VPS13B: variants seen among roughly 807,000 people sequenced by gnomAD.
VPS13B encodes vacuolar protein sorting 13 homolog B, also known as intermembrane lipid transfer protein VPS13B.
VPS13B carries 285 observed loss-of-function variants against 426.4 expected under a neutral mutation model. That is an observed-to-expected ratio of 0.67 (90% CI 0.61 to 0.74). The LOEUF (loss-of-function observed/expected upper bound fraction) is 0.74, where lower values mean the gene tolerates loss of function less well. Among genes scored for constraint, VPS13B ranks in the 30% least tolerant of loss-of-function variants. The probability of loss-of-function intolerance (pLI) is 0.00; values close to 1 mark genes in which losing one functional copy is unlikely to be tolerated. For missense variants in VPS13B, 4,537 were observed against 4,782.6 expected (o/e 0.95, Z 1.51); for synonymous variants, 1,676 against 1,676.4 (o/e 1.00, Z 0.01).
intron 17 of VPS13B, among the ~76,000 whole-genome samples, chr8:99,232,155 G>A (rs1270984604): frequency 6.6e-6 from 1 of 152,032 alleles, no homozygotes; most frequent in African/African-American, 2.4e-5. Context: ...GAGATGGAGG[G>A]ATGAGGGAAT....
intron 35 of VPS13B, chr8:99,696,549 A>G: frequency 2.0e-6 from 1 of 497,134 alleles, no homozygotes; most frequent in Non-Finnish European, 3.8e-6. Flanking sequence ...CGTGACCATG[A>G]AGCTCTTCCC....
chr8:99,620,207 A>G (rs970500437), intron 33 of VPS13B, among the ~76,000 whole-genome samples: 3 of 152,188 alleles, frequency 2.0e-5, no homozygotes, highest in Non-Finnish European at 4.4e-5. Flanking sequence ...TAGTGTTGCA[A>G]TAAAAACCAC....
chr8:99,015,018 G>T (rs1273299658), intron 2 of VPS13B, among the ~76,000 whole-genome samples: 1 of 151,936 alleles, frequency 6.6e-6, no homozygotes, highest in Non-Finnish European at 1.5e-5. Flanking sequence ...GACAGTGATG[G>T]TTATTTATAA....
intron 30 of VPS13B, among the ~76,000 whole-genome samples, chr8:99,548,110 G>A (rs1824087688): frequency 6.6e-6 from 1 of 152,202 alleles, no homozygotes; most frequent in Non-Finnish European, 1.5e-5. Flanking sequence ...CATAGGACCA[G>A]CTATAGTCCT....
At chr8:99,548,547 T>G (rs1315206834) in intron 30 of VPS13B, among the ~76,000 whole-genome samples, 1 of 151,986 alleles carries the variant, frequency 6.6e-6, no homozygotes, top group Non-Finnish European at 1.5e-5. Flanking sequence ...AAAATAAAAA[T>G]TTTGAAAAGC....
At chr8:99,203,514 A>T (rs1814484995) in intron 17 of VPS13B, among the ~76,000 whole-genome samples, 1 of 152,184 alleles carries the variant, frequency 6.6e-6, no homozygotes, top group African/African-American at 2.4e-5. Flanking sequence ...TCTGGCCAGG[A>T]TAATCAGGCA....
intron 35 of VPS13B, among the ~76,000 whole-genome samples, chr8:99,693,585 TATC>T (rs1352212383): frequency 1.6e-5 from 1 of 64,314 alleles, no homozygotes; most frequent in Admixed American, 1.8e-4. Flanking sequence ...CCACAGCCAA[TATC>T]ATACTGAATG....
intron 28 of VPS13B, among the ~76,000 whole-genome samples, chr8:99,509,442 A>C (rs1821670443): frequency 6.6e-6 from 1 of 152,098 alleles, no homozygotes; most frequent in African/African-American, 2.4e-5. Flanking sequence ...ATACAAAAAT[A>C]ATTTATTTTC....
At position 99,412,483 on chromosome 8, in the gene VPS13B, G is replaced by A. The variant is rs190596192; in HGVS notation, c.3083-19054G>A. ...AGGAGGTTTTTGGCTAAGCTGGTGGGGTTTTCTAAATATACAATCATGTCA... is the reference window on the plus strand; with the variant it reads ...AGGAGGTTTTTGGCTAAGCTGGTGGAGTTTTCTAAATATACAATCATGTCA... On this transcript the variant is annotated intron_variant, in intron 21 of 61. Coordinates refer to ENST00000357162, the MANE Select transcript of VPS13B (RefSeq NM_152564.5). Among the ~76,000 whole-genome samples the A allele has an allele frequency of 2.6e-5, 4 of 152,190 alleles. No homozygotes were observed. The East Asian group carries it at 7.7e-4, about 29-fold the overall frequency.
intron 19 of VPS13B, among the ~76,000 whole-genome samples, chr8:99,313,714 A>C (rs866514130): frequency 1.4e-4 from 21 of 152,172 alleles, no homozygotes; most frequent in African/African-American, 4.8e-4. Flanking sequence ...GGGATATTTA[A>C]GTCTGCAGAG....
At chr8:99,112,164 T>C (rs1210626123) in intron 6 of VPS13B, among the ~76,000 whole-genome samples, 1 of 152,222 alleles carries the variant, frequency 6.6e-6, no homozygotes, top group Non-Finnish European at 1.5e-5. Context: ...CTGAACATTG[T>C]TTGTCTGCCT....
chr8:99,373,399 T>C (rs1813299074), intron 19 of VPS13B, among the ~76,000 whole-genome samples: 1 of 152,134 alleles, frequency 6.6e-6, no homozygotes, highest in African/African-American at 2.4e-5. Context: ...CTTTATTATT[T>C]TAGTAGTGTA....
intron 17 of VPS13B, among the ~76,000 whole-genome samples, chr8:99,251,417 C>T (rs1331448285): frequency 6.6e-6 from 1 of 151,722 alleles, no homozygotes; most frequent in Non-Finnish European, 1.5e-5. Context: ...TCAGTTGATA[C>T]TGTCATGTGG....
intron 35 of VPS13B, chr8:99,697,405 C>T: frequency 3.1e-6 from 2 of 639,468 alleles, no homozygotes; most frequent in South Asian, 1.9e-5. Context: ...CTGAAGGACA[C>T]TGCCCCCTGC....
At chr8:99,387,738 T>C (rs1344680005) in intron 20 of VPS13B, among the ~76,000 whole-genome samples, 1 of 152,144 alleles carries the variant, frequency 6.6e-6, no homozygotes, top group Non-Finnish European at 1.5e-5. Flanking sequence ...ACTCATCCTT[T>C]TAAAATCTGT....
At chr8:99,266,764 C>T (rs552207759) in intron 17 of VPS13B, among the ~76,000 whole-genome samples, 11 of 152,222 alleles carry the variant, frequency 7.2e-5, no homozygotes, top group African/African-American at 2.6e-4. Flanking sequence ...AGTTTTTCCC[C>T]CTTTGCTTAG....
At chr8:99,675,100 G>T (rs576419288) in intron 35 of VPS13B, among the ~76,000 whole-genome samples, 1 of 151,778 alleles carries the variant, frequency 6.6e-6, no homozygotes, top group East Asian at 1.9e-4. Flanking sequence ...AAACTCCTTA[G>T]CATTTATTGT....
chr8:99,374,941 C>T (rs1165342712), intron 19 of VPS13B, among the ~76,000 whole-genome samples: 1 of 152,164 alleles, frequency 6.6e-6, no homozygotes, highest in Non-Finnish European at 1.5e-5. Context: ...ACACAGATTG[C>T]CCTTCCTGGT....
intron 19 of VPS13B, among the ~76,000 whole-genome samples, chr8:99,287,284 A>C (rs1230086980): frequency 7.8e-6 from 1 of 127,786 alleles, no homozygotes; most frequent in Non-Finnish European, 1.7e-5. Context: ...CTATCTATCT[A>C]TCTCTCCCTC....
Sources: gnomAD v4.1 joint callset for allele counts (sites outside exome capture counted in the v4.1 genomes callset) on GRCh38, gnomAD v4.1.1 for gene constraint, MANE v1.5 for transcripts, NCBI Gene and HGNC (gene_info 2026-07-23, HGNC 2026-07-21) for gene names.